The following DLGAP2 variants were observed in gnomAD, a reference collection of about 807,000 sequenced individuals.
DLGAP2 encodes the protein DLG associated protein 2, also known as disks large-associated protein 2.
DLGAP2 carries 26 observed loss-of-function variants against 100.3 expected under a neutral mutation model. The ratio of observed to expected loss-of-function variants is 0.26; its 90% CI spans 0.19 to 0.36. The LOEUF (loss-of-function observed/expected upper bound fraction) is 0.36, where lower values mean the gene tolerates loss of function less well. Ranked by LOEUF, DLGAP2 falls within the 10% of genes least tolerant of loss-of-function variation. The pLI is 1.00. For synonymous variants in DLGAP2, 886 were observed against 630.1 expected, an observed-to-expected ratio of 1.41 and a Z score of -6.08; for missense variants, 1,858 against 1,453.2, an observed-to-expected ratio of 1.28 and a Z score of -4.53.
intron 1 of DLGAP2, among the ~76,000 whole-genome samples, chr8:784,817 C>A (rs1055286924): frequency 2.6e-5 from 4 of 152,166 alleles, no homozygotes; most frequent in Non-Finnish European, 4.4e-5. Context: ...GGGAAAGGTA[C>A]AATAAGCCGC....
intron 14 of DLGAP2, among the ~76,000 whole-genome samples, chr8:1,698,587 CCA>C (rs1799472369): frequency 1.4e-5 from 2 of 146,956 alleles, no homozygotes; most frequent in African/African-American, 5.1e-5. Context: ...CTAGACAGGT[CCA>C]AGTAAGCCAT....
intron 3 of DLGAP2, among the ~76,000 whole-genome samples, chr8:1,280,589 T>C (rs1340781776): frequency 1.3e-5 from 2 of 152,162 alleles, no homozygotes; most frequent in African/African-American, 2.4e-5. Flanking sequence ...ACTTGATGTG[T>C]GTCTTGAGGA....
intron 2 of DLGAP2, among the ~76,000 whole-genome samples, chr8:1,095,896 C>G (rs968847646): frequency 2.0e-5 from 3 of 152,196 alleles, no homozygotes; most frequent in African/African-American, 7.2e-5. Context: ...GGAGTGAATG[C>G]ATGCTCTTCC....
Position 1,146,644 on chromosome 8 carries a change from A to T in DLGAP2, c.74-112207A>T, listed in dbSNP as rs372350203. ...GTGTGCATGCATGTGTGTGCATGTG[A>T]GTGTGTGCATGCACGTGTGTGTGCA... On this transcript the variant is annotated intron_variant, in intron 2 of 14. Transcript: ENST00000637795. Among the ~76,000 whole-genome samples, 10 of 148,078 alleles carry T rather than the reference A, an allele frequency of 6.8e-5. No individual in the cohort carries two copies. The East Asian group carries it at 9.8e-4, about 15-fold the overall frequency.
rs370205042 is a variant in DLGAP2, at chr8:943,352, A to G, written c.73+35386A>G. Among the ~76,000 whole-genome samples the G allele has an allele frequency of 7.2e-5, 11 of 152,306 alleles. No homozygotes were observed. The East Asian group carries it at 1.9e-3, about 27-fold the overall frequency. ...TACATTTTTTAATGTGAAGTCCTTGAAATCCAGTGTGTATTTTTATGCACC... is the reference window on the plus strand; with the variant it reads ...TACATTTTTTAATGTGAAGTCCTTGGAATCCAGTGTGTATTTTTATGCACC... On this transcript the variant is annotated intron_variant, in intron 2 of 14. Transcript: ENST00000637795.
intron 2 of DLGAP2, among the ~76,000 whole-genome samples, chr8:946,632 T>TA (rs1300615721): frequency 4.6e-5 from 7 of 152,186 alleles, no homozygotes; most frequent in Non-Finnish European, 1.0e-4. Flanking sequence ...TTTCTGTTTT[T>TA]ATTTCTAGAT....
In DLGAP2 at chr8:1,108,437, TGTGA is replaced by T. The variant is rs139841051; in HGVS notation, c.74-150406_74-150403del. On this transcript the variant is annotated intron_variant, in intron 2 of 14. Transcript: ENST00000637795. Reference sequence around the variant, plus strand: ...CGTCATGTAAGATGATGCTGTGAGATGTGAGTGAGTGCACGTGCCTGTGATGTGC... The same window carrying T: ...CGTCATGTAAGATGATGCTGTGAGATGTGAGTGCACGTGCCTGTGATGTGC... Among the ~76,000 whole-genome samples the T allele has an allele frequency of 7.1e-3, 1,088 of 152,330 alleles. 12 individuals are homozygous for T. Among genetic ancestry groups the T allele is most frequent in the African/African-American group, 0.025 (1,043 of 41,572 alleles).
chr8:1,001,871 G>C (rs1019074600), intron 2 of DLGAP2, among the ~76,000 whole-genome samples: 1 of 152,160 alleles, frequency 6.6e-6, no homozygotes, highest in African/African-American at 2.4e-5. Flanking sequence ...TAATGCTGCT[G>C]ATGCTTTGAG....
intron 3 of DLGAP2, among the ~76,000 whole-genome samples, chr8:1,496,420 T>G (rs1310113627): frequency 2.0e-5 from 3 of 152,016 alleles, no homozygotes; most frequent in Non-Finnish European, 4.4e-5. Context: ...CTGGAAGGTG[T>G]TGATGATGCA....
At chr8:1,575,615 C>A (rs570830419) in intron 6 of DLGAP2, among the ~76,000 whole-genome samples, 24 of 91,228 alleles carry the variant, frequency 2.6e-4, no homozygotes, top group African/African-American at 1.0e-3. Flanking sequence ...CTTTCCCTCC[C>A]CCCTCCCCCC....
intron 8 of DLGAP2, among the ~76,000 whole-genome samples, chr8:1,667,358 G>A (rs777205308): frequency 2.6e-5 from 4 of 152,182 alleles, no homozygotes; most frequent in Non-Finnish European, 5.9e-5. Context: ...CTGTCCAGCT[G>A]TACAGCCGGT....
At chr8:1,173,372 T>A (rs1797174272) in intron 2 of DLGAP2, among the ~76,000 whole-genome samples, 1 of 152,194 alleles carries the variant, frequency 6.6e-6, no homozygotes, top group Admixed American at 6.5e-5. Flanking sequence ...CGTTCTCAGA[T>A]CTCCAGCTGT....
At position 830,328 on chromosome 8, in the gene DLGAP2, T is replaced by C. The variant is rs186022915; in HGVS notation, c.19-77584T>C. Among the ~76,000 whole-genome samples the C allele has an allele frequency of 1.5e-3, 231 of 152,324 alleles. 3 individuals are homozygous for C. Among genetic ancestry groups the C allele is most frequent in the African/African-American group, 5.2e-3 (215 of 41,572 alleles). On this transcript the variant is annotated intron_variant, in intron 1 of 14. Coordinates refer to ENST00000637795, the MANE Select transcript of DLGAP2 (RefSeq NM_001346810.2). ...CAATCCAATTATACCCTTTTAGATATTTAAAAATGTACAATTACATTATTA... is the reference window on the plus strand; with the variant it reads ...CAATCCAATTATACCCTTTTAGATACTTAAAAATGTACAATTACATTATTA...
At chr8:1,251,213 T>TA (rs1799032719) in intron 2 of DLGAP2, among the ~76,000 whole-genome samples, 1 of 152,212 alleles carries the variant, frequency 6.6e-6, no homozygotes, top group South Asian at 2.1e-4. Context: ...GGCTTTTACT[T>TA]AGCATTTATA....
intron 1 of DLGAP2, among the ~76,000 whole-genome samples, chr8:794,800 T>G (rs2132644520): frequency 6.6e-6 from 1 of 152,264 alleles, no homozygotes; most frequent in Non-Finnish European, 1.5e-5. Context: ...GAACGGTGTT[T>G]CTAGCTGCAG....
chr8:1,095,169 A>G (rs1804326750), intron 2 of DLGAP2, among the ~76,000 whole-genome samples: 1 of 152,000 alleles, frequency 6.6e-6, no homozygotes, highest in Admixed American at 6.5e-5. Context: ...CAGGAGGGAG[A>G]TGAAGATGCC....
intron 3 of DLGAP2, among the ~76,000 whole-genome samples, chr8:1,343,434 T>A (rs1273967056): frequency 6.6e-6 from 1 of 151,876 alleles, no homozygotes; most frequent in Non-Finnish European, 1.5e-5. Context: ...AGGCTTGGGG[T>A]GCCCAAGTGA....
intron 1 of DLGAP2, among the ~76,000 whole-genome samples, chr8:779,195 C>T (rs1238132361): frequency 3.3e-5 from 5 of 152,238 alleles, no homozygotes; most frequent in South Asian, 4.1e-4. Flanking sequence ...CGCCCTGCTT[C>T]GGCTCGCGCA....
intron 3 of DLGAP2, among the ~76,000 whole-genome samples, chr8:1,363,815 A>T (rs1210543265): frequency 6.6e-6 from 1 of 152,170 alleles, no homozygotes; most frequent in Non-Finnish European, 1.5e-5. Context: ...TGCGGGTGTG[A>T]CAGAGCCCGG....
Sources: gnomAD v4.1 joint callset for allele counts (sites outside exome capture counted in the v4.1 genomes callset) on GRCh38, gnomAD v4.1.1 for gene constraint, MANE v1.5 for transcripts, NCBI Gene and HGNC (gene_info 2026-07-23, HGNC 2026-07-21) for gene names.